The following NKD2 variants were observed in gnomAD, a reference collection of about 807,000 sequenced individuals.
The protein encoded by NKD2 is NKD inhibitor of Wnt signaling pathway 2, also known as protein naked cuticle homolog 2.
NKD2 carries 43 observed loss-of-function variants against 34.8 expected under a neutral mutation model. The observed-to-expected ratio is 1.24, with a 90% CI of 0.97 to 1.60. The LOEUF is 1.60. Ranked by LOEUF, NKD2 falls within the 40% of genes most tolerant of loss-of-function variation. NKD2 has a pLI of 0.00. For missense variants in NKD2, 675 were observed against 627.1 expected (o/e 1.08, Z -0.82); for synonymous variants, 278 against 265.1 (o/e 1.05, Z -0.47).
chr5:1,017,655 C>G (rs1338274001), intron 3 of NKD2, among the ~76,000 whole-genome samples: 1 of 143,938 alleles, frequency 6.9e-6, no homozygotes, highest in Non-Finnish European at 1.5e-5. Context: ...AAGTCCCTCC[C>G]AGAGCCCACA....
chr5:1,018,537 TGGG>T lies in NKD2; in HGVS notation c.141+8981_141+8983del, dbSNP rs901883317. On this transcript the variant is annotated intron_variant, in intron 3 of 9. Coordinates refer to ENST00000296849, the MANE Select transcript of NKD2 (RefSeq NM_033120.4). Reference sequence around the variant, plus strand: ...TAGGTGGCAGCGGGCTCACGTGTGTTGGGGGGAGAGACTGGTCACAGTCAGGGC... The same window carrying T: ...TAGGTGGCAGCGGGCTCACGTGTGTTGGGAGAGACTGGTCACAGTCAGGGC... 2.0e-5 allele frequency among the ~76,000 whole-genome samples: 3 copies of T among 151,996 alleles called. No individual in the cohort carries two copies. The South Asian group carries it at 6.2e-4, about 31-fold the overall frequency.
chr5:1,016,217 A>G (rs1755946652), intron 3 of NKD2, among the ~76,000 whole-genome samples: 1 of 152,262 alleles, frequency 6.6e-6, no homozygotes, highest in Admixed American at 6.5e-5. Context: ...CTGCTGGGAC[A>G]GGAGCCTTGC....
intron 3 of NKD2, among the ~76,000 whole-genome samples, chr5:1,015,102 G>A (rs1425372521): frequency 2.0e-5 from 3 of 152,256 alleles, no homozygotes; most frequent in African/African-American, 7.2e-5. Flanking sequence ...GCAGCCAGGT[G>A]TGGCCGGGCC....
chr5:1,034,800 C>T lies in NKD2; in HGVS notation c.471C>T (p.Ala157=), dbSNP rs758807138. ...LMHTIYEVVD[A]SVNHSSGSSK... ...ACACCATCTATGAGGTCGTGGATGC[C>T]TCGGTCAACCACTCCTCGGGCAGCA... is the stretch of plus-strand genomic sequence containing the variant. The change falls in exon 7 of 10, where the codon GCC becomes GCT. Residue 157 remains alanine, a synonymous_variant. Transcript: ENST00000296849. 12 of 1,612,676 alleles carry T rather than the reference C, an allele frequency of 7.4e-6. No individual in the cohort carries two copies. In the Admixed American group the frequency reaches 2.0e-4, roughly 27 times the overall value.
At position 1,009,225 on chromosome 5, in the gene NKD2, G is replaced by T; in HGVS notation, c.61+11G>T. 1 of 505,318 alleles carries T rather than the reference G, an allele frequency of 2.0e-6. No individual in the cohort carries two copies. Among genetic ancestry groups the T allele is most frequent in the South Asian group, 3.0e-5 (1 of 33,460 alleles). The allele number at this position is 505,318 out of a possible 1,614,324, so 31.3% of individuals were successfully genotyped here. ...GAGAGAGCCCGGAAGGTGAGCGGGCGAGCCGACGGGCGGGGCGGGGGGCGG... is the reference window on the plus strand; with the variant it reads ...GAGAGAGCCCGGAAGGTGAGCGGGCTAGCCGACGGGCGGGGCGGGGGGCGG... On this transcript the variant is annotated intron_variant, in intron 2 of 9. Transcript: ENST00000296849. The surrounding 1 kb of genome is among the most constrained non-coding windows in gnomAD (Gnocchi z 6.9).
chr5:1,021,620 A>C (rs1364203620), intron 3 of NKD2, among the ~76,000 whole-genome samples: 1 of 151,934 alleles, frequency 6.6e-6, no homozygotes, highest in African/African-American at 2.4e-5. Context: ...CTGTTTAGCC[A>C]TTGAAACCGA....
At position 1,037,508 on chromosome 5, in the gene NKD2, C is replaced by T. The variant is rs116752384; in HGVS notation, c.788-297C>T. On this transcript the variant is annotated intron_variant, in intron 9 of 9. Transcript: ENST00000296849. ...GATATAACCTGGCTTTCTGCCACGG[C>T]GCCCCAAGCAGGGTCTCAGCTGTGC... The T allele has an allele frequency of 8.3e-4, 1,278 of 1,533,670 alleles. 13 individuals carry two copies. In the African/African-American group the frequency reaches 0.014, roughly 17 times the overall value.
intron 3 of NKD2, among the ~76,000 whole-genome samples, chr5:1,026,695 T>C (rs910931648): frequency 1.3e-5 from 2 of 152,226 alleles, no homozygotes; most frequent in Admixed American, 6.5e-5. Flanking sequence ...CCGTGTGCCA[T>C]ATCCCAAAGC....
In NKD2 at chr5:1,020,411, AC is replaced by A. The variant is rs1227926420; in HGVS notation, c.141+10853del. On this transcript the variant is annotated intron_variant, in intron 3 of 9. Coordinates refer to ENST00000296849, the MANE Select transcript of NKD2 (RefSeq NM_033120.4). Reference sequence around the variant, plus strand: ...AGCTGAAGACATTTCATTTCAAGACACCTGCTCTCCACCCCCACCCCCTAGT... The same window carrying A: ...AGCTGAAGACATTTCATTTCAAGACACTGCTCTCCACCCCCACCCCCTAGT... Among the ~76,000 whole-genome samples the A allele has an allele frequency of 2.6e-5, 4 of 152,202 alleles. No homozygotes were observed. In the East Asian group the frequency reaches 7.7e-4, roughly 29 times the overall value.
At chr5:1,032,304 G>A (rs1030831218) in intron 4 of NKD2, 92 bp downstream of exon 4, 14 of 994,514 alleles carry the variant, frequency 1.4e-5, no homozygotes, top group Non-Finnish European at 2.0e-5. Flanking sequence ...AAACAACCCC[G>A]TGTGCGGAGC....
chr5:1,027,557 T>C (rs1425593047), intron 3 of NKD2, among the ~76,000 whole-genome samples: 4 of 152,202 alleles, frequency 2.6e-5, no homozygotes, highest in Admixed American at 6.5e-5. Flanking sequence ...TGGGGAGACG[T>C]TGGGCTCCAG....
At chr5:1,022,605 C>T (rs1579257477) in intron 3 of NKD2, among the ~76,000 whole-genome samples, 1 of 53,352 alleles carries the variant, frequency 1.9e-5, no homozygotes, top group East Asian at 5.9e-4. Context: ...AGCCCTTTGT[C>T]CCTGCTCTTC....
rs2150747155 is a variant in NKD2 at position 1,033,377 on chromosome 5, C to T, written c.208C>T (p.Leu70Phe). 6.3e-7 allele frequency: 1 copy of T among 1,598,248 alleles called. No homozygotes were observed. Among genetic ancestry groups the T allele is most frequent in the East Asian group, 2.3e-5 (1 of 43,744 alleles). The stretch of plus-strand genomic sequence containing the variant: ...GCCTCCTCTTGTCCCCCTAGTGGCA[C>T]TCCCCGCTGAGAAAGCTGAGGGCCG... ...REDQCPLQVALPAEKAEGREH... is the reference protein window; with the variant it reads ...REDQCPLQVAFPAEKAEGREH... Residue 70 changes from leucine (L) to phenylalanine (F), a missense_variant, in exon 5 of 10, where the codon CTC becomes TTC. Physicochemically the swap from Leu to Phe is conservative, Grantham distance 22. Coordinates refer to ENST00000296849, the MANE Select transcript of NKD2 (RefSeq NM_033120.4).
chr5:1,035,468 C>T lies in NKD2; in HGVS notation c.654C>T (p.His218=), dbSNP rs117700250. 3.5e-4 allele frequency: 545 copies of T among 1,553,810 alleles called. 2 individuals carry two copies. Among genetic ancestry groups the T allele is most frequent in the East Asian group, 9.7e-4 (40 of 41,172 alleles). ...PRVADRRLSA[H]VRRPSTDPQP... ...TGGCTGACAGGAGGTTGTCTGCACA[C>T]GTCAGGTGAGGGCTGGGGTGCCAGG... is the stretch of plus-strand genomic sequence containing the variant. The change falls in exon 8 of 10, where the codon CAC becomes CAT. Residue 218 remains histidine (H), a synonymous_variant. Coordinates refer to ENST00000296849, the MANE Select transcript of NKD2 (RefSeq NM_033120.4).
Position 1,009,364 on chromosome 5 carries a change from C to T in NKD2, c.62-117C>T, listed in dbSNP as rs1362360530. The T allele has an allele frequency of 2.2e-5, 17 of 763,822 alleles. No individual in the cohort carries two copies. The highest frequency in any genetic ancestry group is 2.6e-5 in the Non-Finnish European group (13 of 507,536). 47.3% of individuals were successfully genotyped at this position (763,822 alleles called of 1,614,324 possible). A position where few individuals can be genotyped will look rare whatever the true frequency, so the allele number is the denominator to read the frequency against. On this transcript the variant is annotated intron_variant, in intron 2 of 9. Coordinates refer to ENST00000296849, the MANE Select transcript of NKD2 (RefSeq NM_033120.4). The surrounding 1 kb of genome is among the most constrained non-coding windows in gnomAD (Gnocchi z 6.9). ...GAGCGCGCGGGACCCCCACGCCTGC[C>T]CCTGCGCGGTCTCCAGGCGATGGGG...
In NKD2 at chr5:1,038,597, A is replaced by G. The variant is rs570122092; in HGVS notation, c.*224A>G. On this transcript the variant is annotated 3_prime_UTR_variant, in exon 10 of 10. Coordinates refer to ENST00000296849, the MANE Select transcript of NKD2 (RefSeq NM_033120.4). The surrounding 1 kb of genome is among the most constrained non-coding windows in gnomAD (Gnocchi z 4.5). The stretch of plus-strand genomic sequence containing the variant: ...TCTGCTCTTCTGCCCTCGATGCCAC[A>G]TGGCGGTGAACACATCTGAAGCCAC... 1.4e-5 allele frequency: 12 copies of G among 859,464 alleles called. No individual in the cohort carries two copies. Among genetic ancestry groups the G allele is most frequent in the Non-Finnish European group, 2.1e-5 (11 of 535,820 alleles). 53.2% of individuals were successfully genotyped at this position (859,464 alleles called of 1,614,324 possible).
At chr5:1,022,046 C>A (rs569227084) in intron 3 of NKD2, among the ~76,000 whole-genome samples, 1 of 151,414 alleles carries the variant, frequency 6.6e-6, no homozygotes, top group East Asian at 1.9e-4. Flanking sequence ...TCCCACCCTC[C>A]CCCTACCGCC....
intron 9 of NKD2, among the ~76,000 whole-genome samples, 173 bp downstream of exon 9, chr5:1,036,557 T>C (rs1202362778): frequency 7.8e-6 from 1 of 127,534 alleles, no homozygotes; most frequent in Non-Finnish European, 1.6e-5. Flanking sequence ...CACAGCTACC[T>C]GTTGGTCATG....
At chr5:1,033,825 C>G (rs979920400) in intron 5 of NKD2, among the ~76,000 whole-genome samples, 2 of 152,256 alleles carry the variant, frequency 1.3e-5, no homozygotes, top group Non-Finnish European at 2.9e-5. Context: ...GCCCGACTCT[C>G]TGCCCGCTGG....
Sources: gnomAD v4.1 joint callset for allele counts (sites outside exome capture counted in the v4.1 genomes callset) on GRCh38, gnomAD v4.1.1 for gene constraint, Gnocchi (gnomAD v3.1) non-coding constraint, MANE v1.5 for transcripts, NCBI Gene and HGNC (gene_info 2026-07-23, HGNC 2026-07-21) for gene names.